COG5: variants seen among roughly 807,000 people sequenced by gnomAD.
COG5 encodes the protein conserved oligomeric Golgi complex subunit 5.
Under a neutral mutation model 110.4 loss-of-function variants are expected in COG5, and 86 were observed. The ratio of observed to expected loss-of-function variants is 0.78; its 90% CI spans 0.65 to 0.93. COG5 has a LOEUF of 0.93. COG5 is among the 40% of genes least tolerant of loss of function. The probability of loss-of-function intolerance (pLI) is 0.00; values close to 1 mark genes in which losing one functional copy is unlikely to be tolerated. For synonymous variants in COG5, 360 were observed against 334.6 expected (o/e 1.08, Z -0.83); for missense variants, 1,077 against 987.0 (o/e 1.09, Z -1.22).
At position 107,286,082 on chromosome 7, in the gene COG5, G is replaced by A. The variant is rs1805605095; in HGVS notation, c.1314-2350C>T. ...GAGGCAAAGGAAGGCTTACTGAGGG[G>A]CCCTGAAGGAAAAGAGGGAGCTAAT... On this transcript the variant is annotated intron_variant, in intron 12 of 21. Transcript: ENST00000297135. Among the ~76,000 whole-genome samples, 3 of 152,044 alleles carry A rather than the reference G, an allele frequency of 2.0e-5. No homozygotes were observed. In the South Asian group the frequency reaches 6.2e-4, roughly 32 times the overall value.
intron 19 of COG5, among the ~76,000 whole-genome samples, chr7:107,226,848 G>A (rs535645440): frequency 6.6e-6 from 1 of 152,272 alleles, no homozygotes; most frequent in East Asian, 1.9e-4. Context: ...GTAGATTTCT[G>A]TAGATTCAAT....
intron 6 of COG5, among the ~76,000 whole-genome samples, chr7:107,523,491 G>A (rs2129153689): frequency 6.6e-6 from 1 of 152,082 alleles, no homozygotes; most frequent in East Asian, 1.9e-4. Context: ...GTTGTAGGGG[G>A]AAGTAGAACT....
chr7:107,507,376 C>G (rs1401757760), intron 6 of COG5, among the ~76,000 whole-genome samples: 1 of 150,502 alleles, frequency 6.6e-6, no homozygotes, highest in African/African-American at 2.4e-5. Flanking sequence ...TCACTGCAAG[C>G]TCTGCCTCCC....
At chr7:107,388,894 C>A (rs190108775) in intron 7 of COG5, among the ~76,000 whole-genome samples, 1 of 152,170 alleles carries the variant, frequency 6.6e-6, no homozygotes, top group African/African-American at 2.4e-5. Context: ...AACAATGCGG[C>A]TTCCACAGAC....
rs150903345 is a variant in COG5, at chr7:107,507,469, A to T, written c.538+19768T>A. ...CCACCATGCCCAGCTAATTTTTTGT[A>T]TTTTTTTTTTTTTTTTTTTAGTAGA... On this transcript the variant is annotated intron_variant, in intron 6 of 21. Coordinates refer to ENST00000297135, the MANE Select transcript of COG5 (RefSeq NM_006348.5). Among the ~76,000 whole-genome samples, 1,453 of 113,778 alleles carry T rather than the reference A, an allele frequency of 0.013. 74 individuals carry two copies. The East Asian group carries it at 0.16, about 13-fold the overall frequency. 74.6% of individuals were successfully genotyped at this position (113,778 alleles called of 152,430 possible). A position where few individuals can be genotyped will look rare whatever the true frequency, so the allele number is the denominator to read the frequency against.
chr7:107,295,217 G>A (rs187664305), intron 12 of COG5, among the ~76,000 whole-genome samples: 105 of 147,380 alleles, frequency 7.1e-4, no homozygotes, highest in African/African-American at 2.5e-3. Flanking sequence ...GATTATAGGC[G>A]TGAGCCACCA....
chr7:107,555,632 T>C (rs893774975), intron 2 of COG5, among the ~76,000 whole-genome samples: 4 of 152,220 alleles, frequency 2.6e-5, no homozygotes, highest in African/African-American at 7.2e-5. Context: ...AATACTTTGG[T>C]AAGGTTAAAA....
At chr7:107,408,757 T>C (rs954543539) in intron 7 of COG5, among the ~76,000 whole-genome samples, 2 of 152,184 alleles carry the variant, frequency 1.3e-5, no homozygotes, top group African/African-American at 4.8e-5. Flanking sequence ...GATCTAGATC[T>C]TGTCAGAGGA....
chr7:107,344,053 C>G (rs1466442439), intron 10 of COG5, among the ~76,000 whole-genome samples: 1 of 152,160 alleles, frequency 6.6e-6, no homozygotes, highest in Non-Finnish European at 1.5e-5. Context: ...CTGGTTTCCA[C>G]TTAATGTTAC....
chr7:107,298,088 A>T, intron 12 of COG5, 54 bp downstream of exon 12: 1 of 831,242 alleles, frequency 1.2e-6, no homozygotes, highest in Admixed American at 2.9e-5. Flanking sequence ...GATAAAATTT[A>T]AAATAAAAAT....
intron 6 of COG5, among the ~76,000 whole-genome samples, chr7:107,509,381 A>G (rs2129142701): frequency 6.6e-6 from 1 of 152,350 alleles, no homozygotes; most frequent in East Asian, 1.9e-4. Flanking sequence ...AAAGCCTCCA[A>G]GAAATATGGG....
intron 14 of COG5, among the ~76,000 whole-genome samples, chr7:107,269,238 G>C (rs907447612): frequency 1.3e-5 from 2 of 152,148 alleles, no homozygotes; most frequent in African/African-American, 4.8e-5. Flanking sequence ...CACTTTGGGA[G>C]GCCGAGGCGG....
rs1798426504 is a variant in COG5 at position 107,202,684 on chromosome 7, C to T, written c.*832G>A. The T allele has an allele frequency of 6.6e-6, 1 of 151,960 alleles. No homozygotes were observed. Among genetic ancestry groups the T allele is most frequent in the African/African-American group, 2.4e-5 (1 of 41,376 alleles). The allele number at this position is 151,960 out of a possible 1,614,324, so 9.4% of individuals were successfully genotyped here. ...CTGATAGGATTTTAAAAATTAAAAA[C>T]AATGTTAATAGTGGAACAAGAGCCA... On this transcript the variant is annotated 3_prime_UTR_variant, in exon 22 of 22. Coordinates refer to ENST00000297135, the MANE Select transcript of COG5 (RefSeq NM_006348.5).
intron 6 of COG5, among the ~76,000 whole-genome samples, chr7:107,520,251 T>C (rs1800230241): frequency 6.6e-6 from 1 of 152,122 alleles, no homozygotes; most frequent in Non-Finnish European, 1.5e-5. Flanking sequence ...AAGGATGCCC[T>C]CTCTCACCTC....
chr7:107,244,301 T>G (rs1200555439), intron 17 of COG5, among the ~76,000 whole-genome samples: 1 of 152,000 alleles, frequency 6.6e-6, no homozygotes, highest in Non-Finnish European at 1.5e-5. Flanking sequence ...ATACAACATA[T>G]CACAATCTCT....
chr7:107,360,732 C>T (rs1483569109), intron 10 of COG5, among the ~76,000 whole-genome samples: 1 of 152,258 alleles, frequency 6.6e-6, no homozygotes, highest in Non-Finnish European at 1.5e-5. Flanking sequence ...TGCCCTGCCA[C>T]AGCAGCCAGT....
At chr7:107,375,082 T>C (rs554272889) in intron 7 of COG5, among the ~76,000 whole-genome samples, 1 of 152,028 alleles carries the variant, frequency 6.6e-6, no homozygotes, top group Non-Finnish European at 1.5e-5. Flanking sequence ...CACCAAAAAT[T>C]TATTCTGTTT....
intron 19 of COG5, among the ~76,000 whole-genome samples, chr7:107,222,202 C>T (rs1340338987): frequency 1.3e-5 from 2 of 151,824 alleles, no homozygotes; most frequent in Admixed American, 1.3e-4. Flanking sequence ...CACCTGTCCC[C>T]CCCTTTTTTT....
intron 6 of COG5, among the ~76,000 whole-genome samples, chr7:107,509,538 A>G (rs1007032483): frequency 1.3e-5 from 2 of 152,184 alleles, no homozygotes; most frequent in Admixed American, 6.5e-5. Context: ...GATTCAGGAA[A>G]TACAGAGAAC....
Sources: allele counts gnomAD v4.1 joint callset (sites outside exome capture counted in the v4.1 genomes callset), GRCh38; gene constraint gnomAD v4.1.1; transcripts MANE v1.5; gene names NCBI Gene and HGNC (gene_info 2026-07-23, HGNC 2026-07-21).